The following IPCEF1 variants were observed in gnomAD, a reference collection of about 807,000 sequenced individuals.
IPCEF1 encodes interactor protein for cytohesin exchange factors 1.
Under a neutral mutation model 50.9 loss-of-function variants are expected in IPCEF1, and 31 were observed. That is an observed-to-expected ratio of 0.61 (90% CI 0.46 to 0.82). The LOEUF is 0.82. IPCEF1 is among the 40% of genes least tolerant of loss of function. IPCEF1 has a pLI of 0.00. For synonymous variants in IPCEF1, 181 were observed against 192.0 expected, an observed-to-expected ratio of 0.94 and a Z score of 0.47; for missense variants, 458 against 514.0, an observed-to-expected ratio of 0.89 and a Z score of 1.05.
intron 10 of IPCEF1, among the ~76,000 whole-genome samples, chr6:154,175,433 T>C (rs1465773320): frequency 2.7e-5 from 4 of 146,912 alleles, no homozygotes; most frequent in Non-Finnish European, 6.0e-5. Flanking sequence ...ATGGTAGCAA[T>C]ACTAATAAAG....
chr6:154,225,584 C>T (rs1013585097), intron 5 of IPCEF1, among the ~76,000 whole-genome samples: 2 of 152,096 alleles, frequency 1.3e-5, no homozygotes, highest in Non-Finnish European at 1.5e-5. Flanking sequence ...CTACCAGGGT[C>T]CCAGGCAGTA....
chr6:154,258,119 G>A (rs1196140611), intron 3 of IPCEF1, among the ~76,000 whole-genome samples: 1 of 152,088 alleles, frequency 6.6e-6, no homozygotes, highest in East Asian at 1.9e-4. Context: ...TGAGATCCAG[G>A]TCAAATGGCA....
At chr6:154,344,801 C>G (rs1468533894) in intron 1 of IPCEF1, among the ~76,000 whole-genome samples, 2 of 152,152 alleles carry the variant, frequency 1.3e-5, no homozygotes, top group Admixed American at 1.3e-4. Flanking sequence ...ATTACAGGCT[C>G]CTGGATCATG....
chr6:154,226,657 T>C (rs930212038), intron 5 of IPCEF1, among the ~76,000 whole-genome samples: 1 of 152,182 alleles, frequency 6.6e-6, no homozygotes, highest in African/African-American at 2.4e-5. Flanking sequence ...AATTCTGCTG[T>C]TTCATCAAAT....
intron 4 of IPCEF1, 175 bp from the exon 5 acceptor site, chr6:154,246,935 CAAAAAA>C (rs10543127): frequency 1.3e-4 from 33 of 252,216 alleles, no homozygotes; most frequent in Middle Eastern, 1.1e-3. Context: ...AAAACCAATG[CAAAAAA>C]AAAAAAAAAA....
At chr6:154,166,296 A>G (rs1219951394) in intron 11 of IPCEF1, among the ~76,000 whole-genome samples, 4 of 152,238 alleles carry the variant, frequency 2.6e-5, no homozygotes, top group African/African-American at 9.6e-5. Flanking sequence ...CCCAGTGGCC[A>G]GGTGAGGGCA....
intron 5 of IPCEF1, among the ~76,000 whole-genome samples, chr6:154,231,047 C>T (rs1318036002): frequency 6.6e-6 from 1 of 152,176 alleles, no homozygotes; most frequent in African/African-American, 2.4e-5. Flanking sequence ...ATTGTTTTCT[C>T]AGTTACTCCC....
chr6:154,273,724 CTTTTTTTTTTTTTTTTT>C (rs71021036), intron 2 of IPCEF1, among the ~76,000 whole-genome samples: 664 of 63,298 alleles, frequency 0.01, 44 homozygotes, highest in East Asian at 0.068. Context: ...TTCTTTCTTT[CTTTTTTTTTTTTTTTTT>C]TTTTTTTTTT....
chr6:154,236,000 G>C (rs1044936631), intron 5 of IPCEF1, among the ~76,000 whole-genome samples: 1 of 152,150 alleles, frequency 6.6e-6, no homozygotes, highest in Non-Finnish European at 1.5e-5. Context: ...GCATGGTAGC[G>C]CCTCAAAAAC....
intron 5 of IPCEF1, among the ~76,000 whole-genome samples, chr6:154,236,003 T>C (rs1358181752): frequency 1.3e-5 from 2 of 152,158 alleles, no homozygotes; most frequent in African/African-American, 4.8e-5. Flanking sequence ...TGGTAGCGCC[T>C]CAAAAACAAT....
At chr6:154,352,534 C>T (rs1051789746) in intron 1 of IPCEF1, among the ~76,000 whole-genome samples, 13 of 152,220 alleles carry the variant, frequency 8.5e-5, no homozygotes, top group Non-Finnish European at 1.9e-4. Context: ...GCTTCTATGT[C>T]AATCCCTGTG....
chr6:154,265,580 T>C (rs1054930593), intron 3 of IPCEF1, among the ~76,000 whole-genome samples: 14 of 152,092 alleles, frequency 9.2e-5, no homozygotes, highest in African/African-American at 3.1e-4. Flanking sequence ...TGCCCAGCCC[T>C]ATTTCAGTGA....
rs202040382 is a variant in IPCEF1 at position 154,244,421 on chromosome 6, C to A, written c.246+2170G>T. ...ATACCATTAGTTTAATCCTATAGTTCCCTAGCCAGATAGCGGCAAGCTTAT... is the reference window on the plus strand; with the variant it reads ...ATACCATTAGTTTAATCCTATAGTTACCTAGCCAGATAGCGGCAAGCTTAT... On this transcript the variant is annotated intron_variant, in intron 5 of 11. Coordinates refer to ENST00000367220, the MANE Select transcript of IPCEF1 (RefSeq NM_001130700.2). Among the ~76,000 whole-genome samples, 16 of 152,050 alleles carry A rather than the reference C, an allele frequency of 1.1e-4. No individual in the cohort carries two copies. The East Asian group carries it at 2.5e-3, about 24-fold the overall frequency.
At chr6:154,251,978 G>T (rs903147758) in intron 3 of IPCEF1, among the ~76,000 whole-genome samples, 2 of 152,162 alleles carry the variant, frequency 1.3e-5, no homozygotes, top group Non-Finnish European at 2.9e-5. Context: ...AGTTAGAAAT[G>T]TACATATTGT....
chr6:154,218,769 C>T (rs927111714), intron 7 of IPCEF1, among the ~76,000 whole-genome samples: 1 of 152,160 alleles, frequency 6.6e-6, no homozygotes, highest in African/African-American at 2.4e-5. Context: ...CAGGCCCAGA[C>T]AAAATGGACC....
chr6:154,236,931 C>G (rs558838329), intron 5 of IPCEF1, among the ~76,000 whole-genome samples: 4 of 152,140 alleles, frequency 2.6e-5, no homozygotes, highest in Non-Finnish European at 5.9e-5. Flanking sequence ...TTAAAGACAT[C>G]GTTTCAAACA....
intron 5 of IPCEF1, among the ~76,000 whole-genome samples, chr6:154,242,081 G>A (rs993394201): frequency 2.6e-5 from 4 of 152,142 alleles, no homozygotes; most frequent in Non-Finnish European, 5.9e-5. Flanking sequence ...TATCTTGCTC[G>A]GCTATTATGA....
intron 1 of IPCEF1, among the ~76,000 whole-genome samples, chr6:154,309,157 T>C (rs528685757): frequency 6.6e-6 from 1 of 152,320 alleles, no homozygotes; most frequent in East Asian, 1.9e-4. Flanking sequence ...AAGTATCATA[T>C]ACTCACTCTC....
intron 5 of IPCEF1, among the ~76,000 whole-genome samples, chr6:154,240,535 G>A (rs1780496619): frequency 6.6e-6 from 1 of 151,096 alleles, no homozygotes; most frequent in African/African-American, 2.4e-5. Flanking sequence ...AAAAAAAAAG[G>A]TACTCTATAT....
Sources: allele counts gnomAD v4.1 joint callset (sites outside exome capture counted in the v4.1 genomes callset), GRCh38; gene constraint gnomAD v4.1.1; transcripts MANE v1.5; gene names NCBI Gene and HGNC (gene_info 2026-07-23, HGNC 2026-07-21).